The following BMPR1B variants were observed in gnomAD, a reference collection of about 807,000 sequenced individuals.
The protein encoded by BMPR1B is bone morphogenetic protein receptor type-1B.
Under a neutral mutation model 59.1 loss-of-function variants are expected in BMPR1B, and 12 were observed. The observed-to-expected ratio is 0.20, with a 90% confidence interval of 0.13 to 0.33. The LOEUF is 0.33. Ranked by LOEUF, BMPR1B falls within the 10% of genes least tolerant of loss-of-function variation. BMPR1B has a pLI of 1.00. For synonymous variants in BMPR1B, 237 were observed against 207.3 expected (o/e 1.14, Z -1.23); for missense variants, 550 against 610.9 (o/e 0.90, Z 1.05).
chr4:94,768,475 C>T (rs1384282251), intron 1 of BMPR1B, among the ~76,000 whole-genome samples: 1 of 152,126 alleles, frequency 6.6e-6, no homozygotes, highest in Non-Finnish European at 1.5e-5. Flanking sequence ...TTTGCATTCT[C>T]TTTTACTCTT....
At chr4:94,974,769 G>C (rs867670766) in intron 2 of BMPR1B, among the ~76,000 whole-genome samples, 9 of 152,188 alleles carry the variant, frequency 5.9e-5, no homozygotes, top group Non-Finnish European at 1.2e-4. Context: ...CCTAGCACAG[G>C]CAGGGAACAT....
At chr4:94,802,020 A>G (rs1306227784) in intron 1 of BMPR1B, among the ~76,000 whole-genome samples, 1 of 152,206 alleles carries the variant, frequency 6.6e-6, no homozygotes, top group African/African-American at 2.4e-5. Context: ...AATGAGTTGA[A>G]TGTATATTAA....
chr4:94,961,150 C>T (rs1425673034), intron 2 of BMPR1B, among the ~76,000 whole-genome samples: 3 of 152,152 alleles, frequency 2.0e-5, no homozygotes, highest in Non-Finnish European at 2.9e-5. Flanking sequence ...CATGGTGGAA[C>T]ATACCAGTGA....
intron 2 of BMPR1B, among the ~76,000 whole-genome samples, chr4:94,993,659 G>A (rs1343004611): frequency 6.6e-6 from 1 of 151,310 alleles, no homozygotes; most frequent in South Asian, 2.1e-4. Context: ...TACTTGGGAG[G>A]CCTAGGTAGG....
At chr4:95,054,304 G>A (rs1453445123) in intron 3 of BMPR1B, among the ~76,000 whole-genome samples, 5 of 152,092 alleles carry the variant, frequency 3.3e-5, no homozygotes, top group Non-Finnish European at 7.4e-5. Context: ...CTATGTATAT[G>A]GTGACTCATC....
At chr4:95,143,427 G>A (rs1046928226) in intron 10 of BMPR1B, among the ~76,000 whole-genome samples, 4 of 152,198 alleles carry the variant, frequency 2.6e-5, no homozygotes, top group Non-Finnish European at 4.4e-5. Flanking sequence ...TCATAGTTTC[G>A]TGTGTCTTTT....
Position 94,799,228 on chromosome 4 carries a change from C to T in BMPR1B, c.-183+41160C>T, listed in dbSNP as rs937944300. ...AGAAAAGACCTTATCTTTGAGATGC[C>T]GGGCTGCGTAGAATTCACAGAGACT... is the stretch of plus-strand genomic sequence containing the variant. On this transcript the variant is annotated intron_variant, in intron 1 of 12. Transcript: ENST00000515059. Among the ~76,000 whole-genome samples the T allele has an allele frequency of 8.0e-5, 12 of 149,606 alleles. No individual in the cohort carries two copies. In the East Asian group the frequency reaches 1.2e-3, roughly 15 times the overall value.
intron 2 of BMPR1B, among the ~76,000 whole-genome samples, chr4:94,925,764 G>A (rs1039244094): frequency 6.6e-6 from 1 of 152,098 alleles, no homozygotes; most frequent in Admixed American, 6.6e-5. Context: ...AAAAAATAAG[G>A]CAAAGAACCA....
chr4:95,140,569 C>T (rs924838575), intron 10 of BMPR1B, among the ~76,000 whole-genome samples: 1 of 152,066 alleles, frequency 6.6e-6, no homozygotes, highest in Non-Finnish European at 1.5e-5. Context: ...ATTCATCCCC[C>T]AGCTGAGAAT....
chr4:94,906,086 G>T (rs1430848700), intron 2 of BMPR1B, among the ~76,000 whole-genome samples: 7 of 151,688 alleles, frequency 4.6e-5, no homozygotes, highest in African/African-American at 1.7e-4. Context: ...GCTCAGCCAA[G>T]ATTTTTCTTC....
intron 2 of BMPR1B, among the ~76,000 whole-genome samples, chr4:94,975,096 C>T (rs747090930): frequency 2.0e-5 from 3 of 152,104 alleles, no homozygotes; most frequent in Non-Finnish European, 4.4e-5. Context: ...AGGTATTGGG[C>T]TACTTCAGGC....
intron 1 of BMPR1B, among the ~76,000 whole-genome samples, chr4:94,825,331 C>A (rs1304585980): frequency 6.6e-6 from 1 of 151,868 alleles, no homozygotes; most frequent in Non-Finnish European, 1.5e-5. Flanking sequence ...AGTGAGAGGT[C>A]ATCTTTACGA....
chr4:94,890,699 T>A (rs1378191596), intron 2 of BMPR1B, among the ~76,000 whole-genome samples: 1 of 152,052 alleles, frequency 6.6e-6, no homozygotes, highest in African/African-American at 2.4e-5. Flanking sequence ...TCTTTCTAGC[T>A]TACAGACTGC....
At chr4:94,778,793 C>T (rs1342049477) in intron 1 of BMPR1B, among the ~76,000 whole-genome samples, 1 of 152,082 alleles carries the variant, frequency 6.6e-6, no homozygotes, top group Non-Finnish European at 1.5e-5. Context: ...TATTTTCATG[C>T]ATTTTGTCCA....
chr4:95,065,186 T>G (rs1727701707), intron 3 of BMPR1B, among the ~76,000 whole-genome samples: 1 of 152,184 alleles, frequency 6.6e-6, no homozygotes, highest in South Asian at 2.1e-4. Context: ...GAAGTACTGA[T>G]ACATGCTACA....
At chr4:94,981,003 A>ACGCGCGCGTACGCACGCG (rs141994255) in intron 2 of BMPR1B, among the ~76,000 whole-genome samples, 3 of 90,796 alleles carry the variant, frequency 3.3e-5, no homozygotes, top group Non-Finnish European at 4.8e-5. Context: ...ACACACACAC[A>ACGCGCGCGTACGCACGCG]CACACACACA....
intron 12 of BMPR1B, among the ~76,000 whole-genome samples, chr4:95,154,239 A>AT (rs1675928354): frequency 6.6e-6 from 1 of 152,218 alleles, no homozygotes; most frequent in African/African-American, 2.4e-5. Flanking sequence ...TGTTATAAAC[A>AT]ATCTGGGAGT....
At chr4:94,869,366 G>C (rs970131106) in intron 1 of BMPR1B, among the ~76,000 whole-genome samples, 1 of 152,048 alleles carries the variant, frequency 6.6e-6, no homozygotes, top group African/African-American at 2.4e-5. Flanking sequence ...TATTTCCTGT[G>C]ATGCTAAAAT....
At chr4:95,020,745 G>A (rs984463945) in intron 3 of BMPR1B, among the ~76,000 whole-genome samples, 2 of 152,146 alleles carry the variant, frequency 1.3e-5, no homozygotes, top group Admixed American at 6.5e-5. Flanking sequence ...CTAGGCTAGA[G>A]TACAGTGGCA....
Sources: gnomAD v4.1 joint callset for allele counts (sites outside exome capture counted in the v4.1 genomes callset) on GRCh38, gnomAD v4.1.1 for gene constraint, MANE v1.5 for transcripts, NCBI Gene and HGNC (gene_info 2026-07-23, HGNC 2026-07-21) for gene names.